Variants in CNTN5 observed in about 807,000 individuals in gnomAD.
CNTN5 encodes contactin 5.
CNTN5 carries 77 observed loss-of-function variants against 129.1 expected under a neutral mutation model. That is an observed-to-expected ratio of 0.60 (90% CI 0.50 to 0.72). The LOEUF (loss-of-function observed/expected upper bound fraction) is 0.72. Ranked by LOEUF, CNTN5 falls within the 30% of genes least tolerant of loss-of-function variation. CNTN5 has a pLI of 0.00. For missense variants in CNTN5, 1,478 were observed against 1,328.8 expected, an observed-to-expected ratio of 1.11 and a Z score of -1.75; for synonymous variants, 509 against 465.6, an observed-to-expected ratio of 1.09 and a Z score of -1.20.
chr11:99,997,737 A>G (rs1939551688), intron 8 of CNTN5, among the ~76,000 whole-genome samples: 1 of 152,098 alleles, frequency 6.6e-6, no homozygotes, highest in Non-Finnish European at 1.5e-5. Flanking sequence ...CTTGATGAAC[A>G]TTGATGCAAA....
chr11:99,311,274 G>T, intron 1 of CNTN5, among the ~76,000 whole-genome samples: 1 of 152,066 alleles, frequency 6.6e-6, no homozygotes, highest in Admixed American at 6.6e-5. Flanking sequence ...TTCCCACTGG[G>T]TCATGATGTA....
At chr11:99,317,319 G>A (rs1166534299) in intron 1 of CNTN5, among the ~76,000 whole-genome samples, 1 of 152,104 alleles carries the variant, frequency 6.6e-6, no homozygotes, top group Non-Finnish European at 1.5e-5. Context: ...CAGCCAAAAA[G>A]GACTATAGGA....
intron 2 of CNTN5, among the ~76,000 whole-genome samples, chr11:99,534,333 C>T (rs1026610959): frequency 1.3e-5 from 2 of 152,120 alleles, no homozygotes; most frequent in African/African-American, 4.8e-5. Context: ...AAATGATCTG[C>T]TTATTGATAG....
intron 13 of CNTN5, among the ~76,000 whole-genome samples, chr11:100,186,550 G>A (rs1210381272): frequency 6.6e-6 from 1 of 152,120 alleles, no homozygotes; most frequent in African/African-American, 2.4e-5. Flanking sequence ...GAGTAACTAG[G>A]TGCAAGGTGA....
At chr11:99,298,576 A>G (rs954918007) in intron 1 of CNTN5, among the ~76,000 whole-genome samples, 6 of 152,292 alleles carry the variant, frequency 3.9e-5, no homozygotes, top group South Asian at 2.1e-4. Flanking sequence ...TTTTTAGGCC[A>G]TATTTAGTTT....
At chr11:99,639,456 G>T (rs1315226373) in intron 3 of CNTN5, among the ~76,000 whole-genome samples, 1 of 151,084 alleles carries the variant, frequency 6.6e-6, no homozygotes, top group African/African-American at 2.4e-5. Context: ...CAGAAAATGG[G>T]TTTTTATTTT....
At chr11:99,199,967 ACATCAT>A (rs147514290) in intron 1 of CNTN5, among the ~76,000 whole-genome samples, 2 of 151,416 alleles carry the variant, frequency 1.3e-5, no homozygotes, top group African/African-American at 4.9e-5. Context: ...ATATCCATCA[ACATCAT>A]CATCATCATC....
chr11:99,727,122 A>C (rs1356296779), intron 3 of CNTN5, among the ~76,000 whole-genome samples: 1 of 149,472 alleles, frequency 6.7e-6, no homozygotes, highest in Non-Finnish European at 1.5e-5. Flanking sequence ...CTGGCTAACA[A>C]GGTGAAACCC....
At chr11:100,126,772 C>T (rs924568541) in intron 13 of CNTN5, among the ~76,000 whole-genome samples, 4 of 151,934 alleles carry the variant, frequency 2.6e-5, no homozygotes, top group African/African-American at 7.3e-5. Context: ...TTGTTTAGAT[C>T]GTTTACCTTC....
At chr11:100,093,571 T>G (rs915819538) in intron 13 of CNTN5, among the ~76,000 whole-genome samples, 1 of 152,064 alleles carries the variant, frequency 6.6e-6, no homozygotes. Flanking sequence ...CTGGCCCAAG[T>G]TGCAAGTTTT....
Position 99,987,457 on chromosome 11 carries a change from TTA to T in CNTN5, c.878-14569_878-14568del, listed in dbSNP as rs576051302. Among the ~76,000 whole-genome samples, 53 of 151,106 alleles carry T rather than the reference TTA, an allele frequency of 3.5e-4. 1 individual carries two copies. The highest frequency in any genetic ancestry group is 1.3e-3 in the African/African-American group (53 of 41,370). On this transcript the variant is annotated intron_variant, in intron 8 of 24. Coordinates refer to ENST00000524871, the MANE Select transcript of CNTN5 (RefSeq NM_014361.4). ...TACATAATATATGCACATATATATT[TTA>T]TATATATTTCTTTCTCCATATGTGT...
rs146446978 is a variant in CNTN5, at chr11:99,301,832, C to T, written c.-209-23514C>T. On this transcript the variant is annotated intron_variant, in intron 1 of 24. Coordinates refer to ENST00000524871, the MANE Select transcript of CNTN5 (RefSeq NM_014361.4). ...TCTAGATAGACCGTAAGTTAGGCCACGTGACAATCGTAAATAAGTTTAAAA... is the reference window on the plus strand; with the variant it reads ...TCTAGATAGACCGTAAGTTAGGCCATGTGACAATCGTAAATAAGTTTAAAA... 4.3e-3 allele frequency among the ~76,000 whole-genome samples: 648 copies of T among 151,534 alleles called. 10 individuals carry two copies. The highest frequency in any genetic ancestry group is 0.017 in the Middle Eastern group (5 of 294).
chr11:99,585,836 G>A (rs1254715848), intron 3 of CNTN5, among the ~76,000 whole-genome samples: 3 of 152,080 alleles, frequency 2.0e-5, no homozygotes, highest in Middle Eastern at 3.2e-3. Flanking sequence ...GAATTTGGAC[G>A]ATTGCAAACC....
intron 7 of CNTN5, among the ~76,000 whole-genome samples, chr11:99,933,940 A>G (rs1020882514): frequency 6.6e-6 from 1 of 152,098 alleles, no homozygotes; most frequent in Non-Finnish European, 1.5e-5. Flanking sequence ...ATAGGTGCTT[A>G]CTTCATTTTC....
intron 7 of CNTN5, among the ~76,000 whole-genome samples, chr11:99,947,671 T>G (rs1950582408): frequency 6.6e-6 from 1 of 152,142 alleles, no homozygotes; most frequent in South Asian, 2.1e-4. Context: ...GCAACTCAAG[T>G]TCCACATTTA....
At chr11:99,097,127 T>G (rs574548835) in intron 1 of CNTN5, among the ~76,000 whole-genome samples, 1 of 152,010 alleles carries the variant, frequency 6.6e-6, no homozygotes, top group Admixed American at 6.6e-5. Context: ...ATAATTGGAG[T>G]TAGATAAATA....
rs117574650 is a variant in CNTN5 at position 99,759,788 on chromosome 11, A to C, written c.56-59756A>C. Among the ~76,000 whole-genome samples, 897 of 152,196 alleles carry C rather than the reference A, an allele frequency of 5.9e-3. 3 individuals carry two copies. Among genetic ancestry groups the C allele is most frequent in the Non-Finnish European group, 8.8e-3 (597 of 67,986 alleles). On this transcript the variant is annotated intron_variant, in intron 3 of 24. Coordinates refer to ENST00000524871, the MANE Select transcript of CNTN5 (RefSeq NM_014361.4). ...GCAAGAGAAAGCATTTAAAAGAAAG[A>C]AAGCATTTAAAAGAAAGAAAACTTA...
intron 1 of CNTN5, among the ~76,000 whole-genome samples, chr11:99,037,811 C>T (rs1458962532): frequency 6.6e-6 from 1 of 151,744 alleles, no homozygotes; most frequent in African/African-American, 2.4e-5. Context: ...AACTCCTGAC[C>T]TCATGATCCA....
rs549267870 is a variant in CNTN5 at position 99,693,712 on chromosome 11, T to G, written c.56-125832T>G. Among the ~76,000 whole-genome samples, 3 of 152,184 alleles carry G rather than the reference T, an allele frequency of 2.0e-5. No homozygotes were observed. The East Asian group carries it at 5.8e-4, about 29-fold the overall frequency. Reference sequence around the variant, plus strand: ...TGAAATAGAAATACCAATATGTCAGTGGGATTTTGACAGACGAGATTGTTT... The same window carrying G: ...TGAAATAGAAATACCAATATGTCAGGGGGATTTTGACAGACGAGATTGTTT... On this transcript the variant is annotated intron_variant, in intron 3 of 24. Coordinates refer to ENST00000524871, the MANE Select transcript of CNTN5 (RefSeq NM_014361.4).
Sources: allele counts gnomAD v4.1 joint callset (sites outside exome capture counted in the v4.1 genomes callset), GRCh38; gene constraint gnomAD v4.1.1; transcripts MANE v1.5; gene names NCBI Gene and HGNC (gene_info 2026-07-23, HGNC 2026-07-21).